RHBDD1: variants seen among roughly 807,000 people sequenced by gnomAD.
The protein encoded by RHBDD1 is rhomboid domain containing 1.
Under a neutral mutation model 36.3 loss-of-function variants are expected in RHBDD1, and 38 were observed. That is an observed-to-expected ratio of 1.05 (90% confidence interval 0.81 to 1.37). RHBDD1 has a LOEUF of 1.37. Among genes scored for constraint, RHBDD1 ranks in the 40% most tolerant of loss-of-function variants. RHBDD1 has a pLI of 0.00. For synonymous variants in RHBDD1, 151 were observed against 136.5 expected, an observed-to-expected ratio of 1.11 and a Z score of -0.74; for missense variants, 393 against 377.6, an observed-to-expected ratio of 1.04 and a Z score of -0.34.
the RHBDD1 span, among the ~76,000 whole-genome samples, chr2:226,806,528 A>G: frequency 2.0e-5 from 3 of 152,256 alleles, no homozygotes; most frequent in Admixed American, 2.0e-4. Flanking sequence ...AACTGTCACA[A>G]GTTTGGTCAA....
chr2:226,810,520 A>G, the RHBDD1 span, among the ~76,000 whole-genome samples: 1 of 146,866 alleles, frequency 6.8e-6, no homozygotes, highest in Non-Finnish European at 1.5e-5. Flanking sequence ...CAGCCTGAGC[A>G]AAAGAGCAAG....
At chr2:226,821,481 T>C in the RHBDD1 span, among the ~76,000 whole-genome samples, 1 of 152,082 alleles carries the variant, frequency 6.6e-6, no homozygotes, top group Non-Finnish European at 1.5e-5. Context: ...TGGCTCTCAA[T>C]AGCTGGAAAT....
chr2:226,940,365 CTG>C (rs1288269251), intron 8 of RHBDD1, among the ~76,000 whole-genome samples: 2 of 152,124 alleles, frequency 1.3e-5, no homozygotes, highest in Non-Finnish European at 2.9e-5. Context: ...TCAAACATGT[CTG>C]TAACATTTTA....
chr2:226,971,044 CTTAA>C (rs777675533), intron 8 of RHBDD1, among the ~76,000 whole-genome samples: 2 of 152,182 alleles, frequency 1.3e-5, no homozygotes, highest in Non-Finnish European at 2.9e-5. Flanking sequence ...TTCGTAGACA[CTTAA>C]TTAAATGTTT....
intron 1 of RHBDD1, chr2:226,837,786 C>T (rs1390729656): frequency 1.3e-5 from 2 of 152,196 alleles, no homozygotes; most frequent in Non-Finnish European, 2.9e-5. Flanking sequence ...CCACCTGCCT[C>T]GTCTTCAGTT....
At chr2:226,994,080 C>T (rs1413965444) in intron 8 of RHBDD1, among the ~76,000 whole-genome samples, 1 of 152,182 alleles carries the variant, frequency 6.6e-6, no homozygotes, top group Non-Finnish European at 1.5e-5. Flanking sequence ...CTTTTGAGAG[C>T]TGGACTGCGG....
chr2:226,893,235 A>G (rs1370502632), intron 5 of RHBDD1, among the ~76,000 whole-genome samples: 2 of 152,212 alleles, frequency 1.3e-5, no homozygotes, highest in Non-Finnish European at 1.5e-5. Flanking sequence ...GGGAATATCT[A>G]TTTGCTTCAT....
the RHBDD1 span, chr2:226,804,279 G>C: frequency 6.6e-6 from 1 of 152,202 alleles, no homozygotes; most frequent in Non-Finnish European, 1.5e-5. Flanking sequence ...ATCTCTTAGG[G>C]AAGGATGGGC....
intron 5 of RHBDD1, among the ~76,000 whole-genome samples, chr2:226,905,267 G>T (rs1377573710): frequency 1.3e-5 from 2 of 152,030 alleles, no homozygotes; most frequent in Non-Finnish European, 2.9e-5. Flanking sequence ...GCAGGCAGAC[G>T]TGTAAGTACT....
At chr2:226,851,029 A>G (rs1942759710) in intron 3 of RHBDD1, among the ~76,000 whole-genome samples, 1 of 152,178 alleles carries the variant, frequency 6.6e-6, no homozygotes, top group Admixed American at 6.5e-5. Flanking sequence ...TGAAACAAGG[A>G]ACAAGAAGTG....
chr2:226,902,994 T>C (rs1332130627), intron 5 of RHBDD1, among the ~76,000 whole-genome samples: 2 of 152,224 alleles, frequency 1.3e-5, no homozygotes, highest in Non-Finnish European at 2.9e-5. Flanking sequence ...CATATATGCT[T>C]CACCATGAAG....
chr2:226,963,225 T>A (rs190198180), intron 8 of RHBDD1, among the ~76,000 whole-genome samples: 1 of 152,144 alleles, frequency 6.6e-6, no homozygotes, highest in Non-Finnish European at 1.5e-5. Flanking sequence ...AGAACACTTA[T>A]AGCAGCTGTA....
At chr2:226,938,519 T>C (rs779487248) in intron 8 of RHBDD1, among the ~76,000 whole-genome samples, 4 of 151,976 alleles carry the variant, frequency 2.6e-5, no homozygotes, top group Non-Finnish European at 5.9e-5. Flanking sequence ...AATTGGAAAA[T>C]CTAGGAGAAA....
intron 3 of RHBDD1, among the ~76,000 whole-genome samples, chr2:226,853,498 G>A (rs961948000): frequency 3.9e-5 from 6 of 152,230 alleles, no homozygotes; most frequent in African/African-American, 1.2e-4. Flanking sequence ...CAGCTGGGAG[G>A]CAGGAAACTG....
At chr2:226,831,673 TTC>T (rs1447364503), upstream of RHBDD1, among the ~76,000 whole-genome samples, 5 of 152,198 alleles carry the variant, frequency 3.3e-5, no homozygotes, top group African/African-American at 4.8e-5. Flanking sequence ...GATAATAAAT[TTC>T]TGTTGTCTTA....
At chr2:226,867,020 G>A (rs943186917) in intron 4 of RHBDD1, among the ~76,000 whole-genome samples, 166 bp from the exon 5 acceptor site, 31 of 152,092 alleles carry the variant, frequency 2.0e-4, no homozygotes, top group African/African-American at 7.0e-4. Context: ...TGCCTTTAAC[G>A]TTGTCTTTTT....
chr2:226,902,167 G>A (rs772087765), intron 5 of RHBDD1, among the ~76,000 whole-genome samples: 4 of 152,332 alleles, frequency 2.6e-5, no homozygotes, highest in African/African-American at 4.8e-5. Context: ...CATCTTCCAC[G>A]TGGAGCTAAG....
chr2:226,859,688 T>C (rs995045340), intron 3 of RHBDD1, among the ~76,000 whole-genome samples: 9 of 152,318 alleles, frequency 5.9e-5, no homozygotes, highest in African/African-American at 2.2e-4. Flanking sequence ...AGCACCTGTG[T>C]GACTGGAGCA....
intron 8 of RHBDD1, among the ~76,000 whole-genome samples, chr2:226,952,297 T>G (rs1485096984): frequency 7.1e-6 from 1 of 141,600 alleles, no homozygotes. Flanking sequence ...GGTTTGGTTT[T>G]TTTTTTTTTT....
Sources: gnomAD v4.1 joint callset for allele counts (sites outside exome capture counted in the v4.1 genomes callset) on GRCh38, gnomAD v4.1.1 for gene constraint, MANE v1.5 for transcripts, NCBI Gene and HGNC (gene_info 2026-07-23, HGNC 2026-07-21) for gene names.